Variants in CA5A observed in about 807,000 individuals in gnomAD.
CA5A encodes the protein carbonic anhydrase 5A, mitochondrial.
A neutral mutation model predicts 37.1 loss-of-function variants in CA5A; 28 were observed. The observed-to-expected ratio is 0.75, with a 90% confidence interval of 0.56 to 1.03. The LOEUF (loss-of-function observed/expected upper bound fraction) is 1.03, where lower values mean the gene tolerates loss of function less well. CA5A is among the 50% of genes least tolerant of loss of function. The pLI, the probability that CA5A is intolerant of heterozygous loss-of-function variation, is 0.00. For missense variants in CA5A, 444 were observed against 399.9 expected (o/e 1.11, Z -0.94); for synonymous variants, 171 against 158.4 (o/e 1.08, Z -0.60).
chr16:87,929,114 G>A (rs2056359975), intron 1 of CA5A, among the ~76,000 whole-genome samples: 2 of 149,964 alleles, frequency 1.3e-5, no homozygotes, highest in East Asian at 2.0e-4. Flanking sequence ...GAATCACTAG[G>A]TCAAAGGGTG....
intron 2 of CA5A, among the ~76,000 whole-genome samples, chr16:87,920,898 A>C (rs1453053404): frequency 2.6e-5 from 4 of 151,846 alleles, no homozygotes. Context: ...GGTTCAAGCG[A>C]TTTTCCTGCC....
intron 2 of CA5A, among the ~76,000 whole-genome samples, chr16:87,912,404 C>T (rs1390815644): frequency 3.9e-5 from 6 of 152,226 alleles, no homozygotes; most frequent in South Asian, 2.1e-4. Context: ...GCAGATACCA[C>T]GATTCTCAAG....
chr16:87,919,602 C>T lies in CA5A; in HGVS notation c.340+7146G>A, dbSNP rs576162652. 7.2e-5 allele frequency among the ~76,000 whole-genome samples: 11 copies of T among 152,310 alleles called. No individual in the cohort carries two copies. The South Asian group carries it at 1.9e-3, about 26-fold the overall frequency. ...GGGGAGCACTCAGAGCCCTGGCAGT[C>T]GACGACCCCTGCACCCGGTTGCAGC... On this transcript the variant is annotated intron_variant, in intron 2 of 6. Transcript: ENST00000649794.
At chr16:87,929,971 G>A (rs1324531087) in intron 1 of CA5A, among the ~76,000 whole-genome samples, 1 of 150,566 alleles carries the variant, frequency 6.6e-6, no homozygotes, top group African/African-American at 2.4e-5. Context: ...CAGAATGTTT[G>A]TTCTAAAATC....
At chr16:87,919,433 A>G (rs1045740305) in intron 2 of CA5A, among the ~76,000 whole-genome samples, 14 of 152,312 alleles carry the variant, frequency 9.2e-5, no homozygotes, top group Admixed American at 3.9e-4. Flanking sequence ...TGGTGGCTGG[A>G]ACTGCCGGGA....
At chr16:87,912,227 G>A (rs1475077174) in intron 2 of CA5A, among the ~76,000 whole-genome samples, 9 of 152,106 alleles carry the variant, frequency 5.9e-5, no homozygotes, top group Non-Finnish European at 1.2e-4. Flanking sequence ...GCTTGAACCC[G>A]GGAGGTGCAT....
intron 2 of CA5A, chr16:87,924,421 C>T: frequency 1.6e-6 from 1 of 630,888 alleles, no homozygotes; most frequent in Non-Finnish European, 2.0e-6. Context: ...AGAAGAAGCT[C>T]TCACGCCCTG....
chr16:87,919,353 C>T (rs2056198509), intron 2 of CA5A, among the ~76,000 whole-genome samples: 1 of 152,242 alleles, frequency 6.6e-6, no homozygotes, highest in African/African-American at 2.4e-5. Context: ...ACACCTTGCT[C>T]CAGGCGGGGT....
intron 5 of CA5A, chr16:87,893,112 T>A: frequency 1.7e-6 from 1 of 603,070 alleles, no homozygotes; most frequent in Non-Finnish European, 2.8e-6. Flanking sequence ...CTAGAGACAT[T>A]TCTTTCTTTC....
chr16:87,898,159 C>T (rs12934408), intron 5 of CA5A, among the ~76,000 whole-genome samples: 12 of 152,178 alleles, frequency 7.9e-5, no homozygotes, highest in African/African-American at 2.2e-4. Flanking sequence ...AGGGCCCGGA[C>T]CAGCCTGGAA....
In CA5A at chr16:87,931,735, C is replaced by T. The variant is rs74041848; in HGVS notation, c.142+4574G>A. On this transcript the variant is annotated intron_variant, in intron 1 of 6. Coordinates refer to ENST00000649794, the MANE Select transcript of CA5A (RefSeq NM_001739.2). The stretch of plus-strand genomic sequence containing the variant: ...GTCACACACAGAACTCGCTAAGTGC[C>T]GGAAAGCAGTGACTAAGCCGGCGCT... Among the ~76,000 whole-genome samples the T allele has an allele frequency of 4.9e-3, 751 of 152,256 alleles. 6 individuals are homozygous for T. Among genetic ancestry groups the T allele is most frequent in the African/African-American group, 0.017 (716 of 41,556 alleles).
intron 6 of CA5A, 148 bp from the exon 7 acceptor site, chr16:87,888,420 GC>G: frequency 1.4e-6 from 1 of 700,962 alleles, no homozygotes; most frequent in Non-Finnish European, 2.4e-6. Context: ...GATGGTGTGT[GC>G]AGGGCCAGAT....
chr16:87,898,078 G>C (rs747666577), intron 5 of CA5A, among the ~76,000 whole-genome samples: 12 of 152,176 alleles, frequency 7.9e-5, no homozygotes, highest in African/African-American at 2.9e-4. Flanking sequence ...CTGCATAGAA[G>C]CCAGCTGGGT....
chr16:87,899,118 C>T (rs2055841693), intron 5 of CA5A, among the ~76,000 whole-genome samples: 2 of 151,950 alleles, frequency 1.3e-5, no homozygotes, highest in Admixed American at 6.6e-5. Flanking sequence ...TGGATCTGGG[C>T]TCTGAACCCA....
chr16:87,891,237 G>A (rs1238734795), intron 6 of CA5A, among the ~76,000 whole-genome samples: 1 of 151,784 alleles, frequency 6.6e-6, no homozygotes, highest in African/African-American at 2.4e-5. Context: ...GGAGGCCAAG[G>A]TGGGCAGATC....
intron 5 of CA5A, among the ~76,000 whole-genome samples, chr16:87,896,330 A>G (rs1458201415): frequency 6.6e-6 from 1 of 152,128 alleles, no homozygotes; most frequent in Admixed American, 6.5e-5. Flanking sequence ...CCTTGGGCTG[A>G]GAAGAGGATG....
At chr16:87,889,747 G>C (rs2055686793) in intron 6 of CA5A, among the ~76,000 whole-genome samples, 1 of 151,762 alleles carries the variant, frequency 6.6e-6, no homozygotes, top group East Asian at 1.9e-4. Context: ...CTCCAGCCCG[G>C]GCAAGAAGAG....
intron 5 of CA5A, among the ~76,000 whole-genome samples, chr16:87,898,158 A>G (rs991725323): frequency 1.4e-4 from 21 of 152,178 alleles, no homozygotes; most frequent in African/African-American, 5.1e-4. Flanking sequence ...CAGGGCCCGG[A>G]CCAGCCTGGA....
chr16:87,907,083 T>C (rs1275240279), intron 2 of CA5A, among the ~76,000 whole-genome samples: 4 of 151,996 alleles, frequency 2.6e-5, no homozygotes, highest in African/African-American at 9.7e-5. Flanking sequence ...CCAGGTGTAT[T>C]GGTGGGTGCC....
Sources: gnomAD v4.1 joint callset for allele counts (sites outside exome capture counted in the v4.1 genomes callset) on GRCh38, gnomAD v4.1.1 for gene constraint, MANE v1.5 for transcripts, NCBI Gene and HGNC (gene_info 2026-07-23, HGNC 2026-07-21) for gene names.